The following PPP2R2A variants were observed in gnomAD, a reference collection of about 807,000 sequenced individuals.
PPP2R2A encodes serine/threonine-protein phosphatase 2A 55 kDa regulatory subunit B alpha isoform.
In PPP2R2A, 9 loss-of-function variants were observed where a neutral mutation model predicts 53.2. That is an observed-to-expected ratio of 0.17 (90% CI 0.10 to 0.30). The LOEUF (loss-of-function observed/expected upper bound fraction) is 0.30. Among genes scored for constraint, PPP2R2A ranks in the 10% least tolerant of loss-of-function variants. The pLI, the probability that PPP2R2A is intolerant of heterozygous loss-of-function variation, is 1.00. For synonymous variants in PPP2R2A, 169 were observed against 174.2 expected (o/e 0.97, Z 0.23); for missense variants, 235 against 534.6 (o/e 0.44, Z 5.53).
intron 2 of PPP2R2A, among the ~76,000 whole-genome samples, chr8:26,315,705 C>G (rs1309043998): frequency 6.6e-6 from 1 of 152,150 alleles, no homozygotes; most frequent in African/African-American, 2.4e-5. Context: ...AGAGGTTTCA[C>G]TTTATTTTGC....
intron 3 of PPP2R2A, among the ~76,000 whole-genome samples, chr8:26,350,322 C>T (rs1804429139): frequency 6.6e-6 from 1 of 152,180 alleles, no homozygotes; most frequent in African/African-American, 2.4e-5. Context: ...CTCAGTCTCC[C>T]AAAGTGCTGG....
rs1805016280 is a variant in PPP2R2A, at chr8:26,360,369, T to G, written c.459+88T>G. The G allele has an allele frequency of 2.8e-6, 2 of 704,186 alleles. No homozygotes were observed. The highest frequency in any genetic ancestry group is 5.2e-5 in the East Asian group (2 of 38,782). The allele number at this position is 704,186 out of a possible 1,614,324, so 43.6% of individuals were successfully genotyped here. On this transcript the variant is annotated intron_variant, in intron 5 of 9. Transcript: ENST00000380737. The surrounding 1 kb of genome is among the most constrained non-coding windows in gnomAD (Gnocchi z 4.5). The stretch of plus-strand genomic sequence containing the variant: ...CTGAGCAGAGCTTGAATAGGAATAA[T>G]TACAGTCTATCTCCCCTTTCCCAGT...
intron 2 of PPP2R2A, among the ~76,000 whole-genome samples, chr8:26,333,320 C>G (rs1564576): frequency 0.22 from 32,880 of 152,090 alleles, 3,822 homozygotes; most frequent in East Asian, 0.43. Flanking sequence ...CTAGAGGTTA[C>G]TTTTGTATTT....
Position 26,360,077 on chromosome 8 carries a change from T to A in PPP2R2A, c.347-92T>A. The A allele has an allele frequency of 1.6e-6, 1 of 644,854 alleles. No individual in the cohort carries two copies. 39.9% of individuals were successfully genotyped at this position (644,854 alleles called of 1,614,324 possible). A position where few individuals can be genotyped will look rare whatever the true frequency, so the allele number is the denominator to read the frequency against. On this transcript the variant is annotated intron_variant, in intron 4 of 9. Transcript: ENST00000380737. The surrounding 1 kb of genome is among the most constrained non-coding windows in gnomAD (Gnocchi z 4.5). ...GGTTTTTTTTTTTTTCGTGGAATCC[T>A]TTTACGTGAAATGTGAAATAGCATA...
At chr8:26,320,235 G>A (rs1455413990) in intron 2 of PPP2R2A, among the ~76,000 whole-genome samples, 1 of 152,154 alleles carries the variant, frequency 6.6e-6, no homozygotes, top group African/African-American at 2.4e-5. Context: ...GTTCTCTTGA[G>A]TATTCATCAG....
At chr8:26,361,989 A>C (rs1401292864) in intron 6 of PPP2R2A, among the ~76,000 whole-genome samples, 1 of 148,910 alleles carries the variant, frequency 6.7e-6, no homozygotes, top group Non-Finnish European at 1.5e-5. Context: ...AGATTTATAT[A>C]TATTATATTA....
intron 3 of PPP2R2A, chr8:26,339,872 G>A (rs1803858530): frequency 6.6e-6 from 1 of 152,048 alleles, no homozygotes; most frequent in Non-Finnish European, 1.5e-5. Context: ...AAAGAATCTA[G>A]TAATAATACT....
At chr8:26,367,466 A>AT (rs1175107002) in intron 9 of PPP2R2A, among the ~76,000 whole-genome samples, 4 of 151,994 alleles carry the variant, frequency 2.6e-5, no homozygotes, top group African/African-American at 7.3e-5. Flanking sequence ...AATATTAAAA[A>AT]TTTTTTTTTA....
At chr8:26,352,754 GT>G in intron 3 of PPP2R2A, among the ~76,000 whole-genome samples, 1 of 152,290 alleles carries the variant, frequency 6.6e-6, no homozygotes, top group South Asian at 2.1e-4. Flanking sequence ...AGATGTTCAT[GT>G]TTTGTTTCAG....
At chr8:26,323,437 C>T (rs1031715240) in intron 2 of PPP2R2A, among the ~76,000 whole-genome samples, 1 of 152,170 alleles carries the variant, frequency 6.6e-6, no homozygotes, top group East Asian at 1.9e-4. Context: ...TGAGGGGGCT[C>T]GGTCCCACAA....
Position 26,362,086 on chromosome 8 carries a change from A to T in PPP2R2A, c.638-598A>T, listed in dbSNP as rs756269514. On this transcript the variant is annotated intron_variant, in intron 6 of 9. Coordinates refer to ENST00000380737, the MANE Select transcript of PPP2R2A (RefSeq NM_002717.4). This position sits in a 1 kb window ranked among gnomAD's most constrained non-coding sequence, Gnocchi z 4.4. The stretch of plus-strand genomic sequence containing the variant: ...ATTTTAAGATTAGAAAAAGATTAAT[A>T]ATTAGATTAGATTAGAAAAAGATTA... 6.7e-6 allele frequency among the ~76,000 whole-genome samples: 1 copy of T among 149,454 alleles called. No individual in the cohort carries two copies. The highest frequency in any genetic ancestry group is 6.6e-5 in the Admixed American group (1 of 15,084).
At chr8:26,293,853 C>A in intron 2 of PPP2R2A, 113 bp downstream of exon 2, 1 of 977,210 alleles carries the variant, frequency 1.0e-6, no homozygotes, top group Non-Finnish European at 1.6e-6. Flanking sequence ...TTTTGTTGTC[C>A]AAGAAATGTA....
chr8:26,315,680 C>A (rs1459074000), intron 2 of PPP2R2A, among the ~76,000 whole-genome samples: 2 of 152,152 alleles, frequency 1.3e-5, no homozygotes, highest in African/African-American at 4.8e-5. Flanking sequence ...ACTTGACAAC[C>A]CCTTTTGCAT....
Position 26,321,125 on chromosome 8 carries a change from G to A in PPP2R2A, c.83-17765G>A, listed in dbSNP as rs1802817910. The stretch of plus-strand genomic sequence containing the variant: ...GGAAACAGTACAAACAAGAAACATC[G>A]TGAGAGAAGGCCTTAGTGTTCATTT... On this transcript the variant is annotated intron_variant, in intron 2 of 9. Transcript: ENST00000380737. The surrounding 1 kb of genome is among the most constrained non-coding windows in gnomAD (Gnocchi z 4.1). Among the ~76,000 whole-genome samples, 1 of 152,212 alleles carries A rather than the reference G, an allele frequency of 6.6e-6. No homozygotes were observed. The highest frequency in any genetic ancestry group is 2.4e-5 in the African/African-American group (1 of 41,450).
At chr8:26,315,276 T>C (rs1245532092) in intron 2 of PPP2R2A, among the ~76,000 whole-genome samples, 1 of 152,080 alleles carries the variant, frequency 6.6e-6, no homozygotes, top group Non-Finnish European at 1.5e-5. Context: ...GCTGGTGGGC[T>C]TCACTGTAGG....
intron 2 of PPP2R2A, among the ~76,000 whole-genome samples, chr8:26,296,342 T>G (rs561493387): frequency 2.0e-5 from 3 of 152,364 alleles, no homozygotes; most frequent in African/African-American, 7.2e-5. Flanking sequence ...GTTTATTTGC[T>G]GCTATGGCTA....
At chr8:26,355,766 G>T (rs1252748871) in intron 4 of PPP2R2A, among the ~76,000 whole-genome samples, 3 of 152,002 alleles carry the variant, frequency 2.0e-5, no homozygotes, top group African/African-American at 4.8e-5. Flanking sequence ...TGGGGCGGGG[G>T]TGCTGAGGCA....
At chr8:26,349,297 A>G (rs899200111) in intron 3 of PPP2R2A, among the ~76,000 whole-genome samples, 2 of 151,954 alleles carry the variant, frequency 1.3e-5, no homozygotes, top group East Asian at 3.9e-4. Flanking sequence ...CATGTTGTAC[A>G]TATCACTTTG....
At chr8:26,311,976 A>G (rs946871923) in intron 2 of PPP2R2A, among the ~76,000 whole-genome samples, 9 of 152,098 alleles carry the variant, frequency 5.9e-5, no homozygotes, top group Non-Finnish European at 1.2e-4. Context: ...ACACCCTGCT[A>G]TTGGCTCCCC....
Sources: gnomAD v4.1 joint callset for allele counts (sites outside exome capture counted in the v4.1 genomes callset) on GRCh38, gnomAD v4.1.1 for gene constraint, Gnocchi (gnomAD v3.1) non-coding constraint, MANE v1.5 for transcripts, NCBI Gene and HGNC (gene_info 2026-07-23, HGNC 2026-07-21) for gene names.